The following CCSER1 variants were observed in gnomAD, a reference collection of about 807,000 sequenced individuals.
The protein encoded by CCSER1 is coiled-coil serine rich protein 1.
CCSER1 carries 41 observed loss-of-function variants against 82.0 expected under a neutral mutation model. The observed-to-expected ratio is 0.50, with a 90% CI of 0.39 to 0.65. The LOEUF (loss-of-function observed/expected upper bound fraction) is 0.65, where lower values mean the gene tolerates loss of function less well. CCSER1 is among the 30% of genes least tolerant of loss of function. CCSER1 has a pLI of 0.00. For missense variants in CCSER1, 1,119 were observed against 1,064.2 expected, an observed-to-expected ratio of 1.05 and a Z score of -0.72; for synonymous variants, 414 against 383.9, an observed-to-expected ratio of 1.08 and a Z score of -0.92.
chr4:91,109,588 A>G (rs1725923121), intron 10 of CCSER1, among the ~76,000 whole-genome samples: 1 of 152,204 alleles, frequency 6.6e-6, no homozygotes, highest in Non-Finnish European at 1.5e-5. Flanking sequence ...TTTTTTAATG[A>G]ATGACTTTTG....
intron 10 of CCSER1, among the ~76,000 whole-genome samples, chr4:91,413,369 A>T (rs945089239): frequency 6.6e-6 from 1 of 152,152 alleles, no homozygotes; most frequent in Non-Finnish European, 1.5e-5. Context: ...TGGTAGTGGG[A>T]GGATCACTGG....
intron 10 of CCSER1, among the ~76,000 whole-genome samples, chr4:91,561,938 T>C (rs1762669708): frequency 6.6e-6 from 1 of 151,416 alleles, no homozygotes; most frequent in South Asian, 2.1e-4. Flanking sequence ...GCAATATTTA[T>C]TTTTGTGTGA....
intron 10 of CCSER1, among the ~76,000 whole-genome samples, chr4:91,521,955 C>T (rs1760496369): frequency 6.6e-6 from 1 of 152,138 alleles, no homozygotes; most frequent in Admixed American, 6.6e-5. Context: ...AGTCCTTGCC[C>T]ATGCCTATGT....
intron 6 of CCSER1, among the ~76,000 whole-genome samples, chr4:90,706,862 G>A (rs2149306053): frequency 6.6e-6 from 1 of 152,230 alleles, no homozygotes; most frequent in Non-Finnish European, 1.5e-5. Flanking sequence ...TTTTGAGAGG[G>A]TTTGTGAAAG....
chr4:91,562,811 G>A (rs1216369071), intron 10 of CCSER1, among the ~76,000 whole-genome samples: 2 of 151,442 alleles, frequency 1.3e-5, no homozygotes, highest in Non-Finnish European at 3.0e-5. Context: ...GTTTAAAGAG[G>A]AAATATTTGA....
chr4:90,577,410 A>T (rs1192764511), intron 5 of CCSER1, among the ~76,000 whole-genome samples: 1 of 152,036 alleles, frequency 6.6e-6, no homozygotes, highest in Non-Finnish European at 1.5e-5. Context: ...TGTCAGTTTT[A>T]GTTGAGGGAT....
chr4:91,286,015 A>G (rs1340644046), intron 10 of CCSER1, among the ~76,000 whole-genome samples: 1 of 150,754 alleles, frequency 6.6e-6, no homozygotes, highest in Admixed American at 6.6e-5. Context: ...TGTGATGAAT[A>G]CTTTCCTGAA....
chr4:91,447,694 G>C (rs1755645479), intron 10 of CCSER1, among the ~76,000 whole-genome samples: 1 of 152,092 alleles, frequency 6.6e-6, no homozygotes, highest in South Asian at 2.1e-4. Flanking sequence ...ACTTTATGCA[G>C]TAATGCTAGA....
intron 1 of CCSER1, among the ~76,000 whole-genome samples, chr4:90,204,166 C>T (rs1403020946): frequency 6.6e-6 from 1 of 152,172 alleles, no homozygotes; most frequent in Non-Finnish European, 1.5e-5. Flanking sequence ...ACGATAGTTT[C>T]TTTTGCTGTG....
At chr4:91,255,847 GAGGATGTATGTCACCTC>G (rs1200855494) in intron 10 of CCSER1, among the ~76,000 whole-genome samples, 1 of 152,084 alleles carries the variant, frequency 6.6e-6, no homozygotes. Flanking sequence ...TTCATAAACT[GAGGATGTATGTCACCTC>G]AGGACCCTGT....
At chr4:90,347,271 A>G (rs1035205495) in intron 3 of CCSER1, among the ~76,000 whole-genome samples, 1 of 152,132 alleles carries the variant, frequency 6.6e-6, no homozygotes, top group African/African-American at 2.4e-5. Context: ...ACTAAATACT[A>G]TGTATTTTTT....
chr4:90,384,504 T>C (rs992572890), intron 3 of CCSER1, among the ~76,000 whole-genome samples: 2 of 151,952 alleles, frequency 1.3e-5, no homozygotes, highest in African/African-American at 4.8e-5. Flanking sequence ...ATTTAGAAAA[T>C]TTTTTCTTGC....
At chr4:91,339,098 A>AT (rs1488976110) in intron 10 of CCSER1, among the ~76,000 whole-genome samples, 16 of 152,160 alleles carry the variant, frequency 1.1e-4, no homozygotes, top group Admixed American at 5.9e-4. Context: ...ATAGTCTAGC[A>AT]TATAGAATTG....
intron 10 of CCSER1, among the ~76,000 whole-genome samples, chr4:91,511,700 C>T (rs1449371396): frequency 1.3e-5 from 2 of 152,168 alleles, no homozygotes; most frequent in Non-Finnish European, 2.9e-5. Context: ...TTGCATGCTC[C>T]TTATGAGAAT....
chr4:91,442,812 G>A (rs2149408158), intron 10 of CCSER1, among the ~76,000 whole-genome samples: 1 of 151,594 alleles, frequency 6.6e-6, no homozygotes. Flanking sequence ...AGTGGGCAAA[G>A]GACATGAACA....
chr4:90,313,101 A>T (rs1735594012), intron 3 of CCSER1, 54 bp downstream of exon 3: 1 of 1,331,254 alleles, frequency 7.5e-7, no homozygotes, highest in African/African-American at 1.5e-5. Flanking sequence ...TATATCCGAC[A>T]TGTTCATGTC....
chr4:91,107,067 A>G (rs1010271022), intron 10 of CCSER1, among the ~76,000 whole-genome samples: 3 of 152,178 alleles, frequency 2.0e-5, no homozygotes, highest in African/African-American at 7.2e-5. Context: ...AGATATGCTT[A>G]GATACACAAA....
At chr4:91,216,361 C>T (rs1737240348) in intron 10 of CCSER1, among the ~76,000 whole-genome samples, 1 of 152,168 alleles carries the variant, frequency 6.6e-6, no homozygotes, top group African/African-American at 2.4e-5. Context: ...GCTCTGTCGC[C>T]CAGTCTGGAG....
intron 10 of CCSER1, among the ~76,000 whole-genome samples, chr4:91,534,902 T>C (rs1171604997): frequency 1.3e-5 from 2 of 151,946 alleles, no homozygotes; most frequent in South Asian, 4.2e-4. Flanking sequence ...AATCCAACAT[T>C]CTTCTATTCC....
Sources: allele counts gnomAD v4.1 joint callset (sites outside exome capture counted in the v4.1 genomes callset), GRCh38; gene constraint gnomAD v4.1.1; transcripts MANE v1.5; gene names NCBI Gene and HGNC (gene_info 2026-07-23, HGNC 2026-07-21).